RANBP2: variants seen among roughly 807,000 people sequenced by gnomAD.
RANBP2 encodes the protein E3 SUMO-protein ligase RanBP2.
A neutral mutation model predicts 303.6 loss-of-function variants in RANBP2; 57 were observed. The ratio of observed to expected loss-of-function variants is 0.19; its 90% CI spans 0.15 to 0.23. The LOEUF (loss-of-function observed/expected upper bound fraction) is 0.23, where lower values mean the gene tolerates loss of function less well. RANBP2 is among the 10% of genes least tolerant of loss of function. The probability of loss-of-function intolerance (pLI) is 1.00; values close to 1 mark genes in which losing one functional copy is unlikely to be tolerated. For synonymous variants in RANBP2, 1,167 were observed against 1,301.5 expected, an observed-to-expected ratio of 0.90 and a Z score of 2.23; for missense variants, 3,138 against 3,780.8, an observed-to-expected ratio of 0.83 and a Z score of 4.46.
At chr2:109,508,848 G>C in the RANBP2 span, among the ~76,000 whole-genome samples, 1 of 152,212 alleles carries the variant, frequency 6.6e-6, no homozygotes, top group East Asian at 1.9e-4. Context: ...CATCTGGAGA[G>C]GAAGGCAAGC....
chr2:108,846,371 G>A, the RANBP2 span, among the ~76,000 whole-genome samples: 1 of 151,970 alleles, frequency 6.6e-6, no homozygotes. Context: ...ACATATATTT[G>A]ATTTAATATT....
At chr2:109,306,754 G>C in the RANBP2 span, among the ~76,000 whole-genome samples, 1 of 152,246 alleles carries the variant, frequency 6.6e-6, no homozygotes, top group Non-Finnish European at 1.5e-5. Flanking sequence ...TCCACTAGGG[G>C]ATGGTGCAGG....
At chr2:109,318,727 C>T in the RANBP2 span, among the ~76,000 whole-genome samples, 8 of 152,102 alleles carry the variant, frequency 5.3e-5, no homozygotes, top group African/African-American at 1.2e-4. Flanking sequence ...CCTGGCCAGC[C>T]GCCAGATACT....
At chr2:109,416,909 A>T in the RANBP2 span, among the ~76,000 whole-genome samples, 1 of 151,108 alleles carries the variant, frequency 6.6e-6, no homozygotes, top group African/African-American at 2.4e-5. Flanking sequence ...CATCTCAAAA[A>T]AAAAAAAAAA....
At chr2:109,258,591 A>G in the RANBP2 span, among the ~76,000 whole-genome samples, 3 of 152,110 alleles carry the variant, frequency 2.0e-5, no homozygotes, top group African/African-American at 7.2e-5. Flanking sequence ...TCATCCCGCA[A>G]TTCCCCAGGC....
chr2:109,391,301 C>T, the RANBP2 span, among the ~76,000 whole-genome samples: 2 of 152,358 alleles, frequency 1.3e-5, no homozygotes, highest in African/African-American at 4.8e-5. Flanking sequence ...GACCTGTATG[C>T]TTCAGCCATT....
At chr2:109,187,716 T>A in the RANBP2 span, among the ~76,000 whole-genome samples, 1,224 of 152,294 alleles carry the variant, frequency 8.0e-3, 12 homozygotes, top group East Asian at 0.04. Flanking sequence ...CAGAATATAT[T>A]CTCCTTGTTA....
the RANBP2 span, among the ~76,000 whole-genome samples, chr2:109,319,854 G>C: frequency 1.3e-5 from 2 of 152,204 alleles, no homozygotes; most frequent in East Asian, 3.9e-4. Flanking sequence ...AGAGCCAGTA[G>C]GAGTATCAGC....
the RANBP2 span, among the ~76,000 whole-genome samples, chr2:108,819,545 C>A: frequency 6.6e-6 from 1 of 152,054 alleles, no homozygotes; most frequent in Non-Finnish European, 1.5e-5. Flanking sequence ...AGGGACACAG[C>A]GATTATGGGT....
At chr2:109,313,434 A>C in the RANBP2 span, 2 of 153,624 alleles carry the variant, frequency 1.3e-5, no homozygotes, top group Non-Finnish European at 2.9e-5. Context: ...CATGGATACA[A>C]GGCCAGGCCT....
At chr2:109,693,294 C>T in the RANBP2 span, among the ~76,000 whole-genome samples, 1 of 152,166 alleles carries the variant, frequency 6.6e-6, no homozygotes, top group South Asian at 2.1e-4. Context: ...GCCTCACCCT[C>T]CCGAGTAAGC....
the RANBP2 span, among the ~76,000 whole-genome samples, chr2:109,516,228 C>T: frequency 6.6e-6 from 1 of 152,156 alleles, no homozygotes; most frequent in African/African-American, 2.4e-5. Flanking sequence ...TGATGTGTGG[C>T]CCATGCTGGG....
the RANBP2 span, chr2:109,565,630 TA>T: frequency 1.3e-6 from 1 of 790,690 alleles, no homozygotes; most frequent in Non-Finnish European, 2.1e-6. Flanking sequence ...AGACTTTGGC[TA>T]AAATAGTACA....
chr2:109,365,561 G>A, the RANBP2 span, among the ~76,000 whole-genome samples: 2 of 152,034 alleles, frequency 1.3e-5, no homozygotes, highest in Admixed American at 6.6e-5. Flanking sequence ...AGCTTCTTAC[G>A]TTCTAGACTG....
chr2:109,442,310 C>CCA, the RANBP2 span, among the ~76,000 whole-genome samples: 1 of 75,918 alleles, frequency 1.3e-5, no homozygotes, highest in Admixed American at 1.6e-4. Context: ...GACTCCACCT[C>CCA]AAAAAAAAAA....
chr2:109,618,111 T>G, the RANBP2 span: 1 of 167,056 alleles, frequency 6.0e-6, no homozygotes. Flanking sequence ...ATGAACGGTG[T>G]AAATTTGAGA....
At chr2:109,263,187 T>G in the RANBP2 span, among the ~76,000 whole-genome samples, 1 of 152,184 alleles carries the variant, frequency 6.6e-6, no homozygotes, top group East Asian at 1.9e-4. Context: ...CAGAGACATG[T>G]GCATTCATAC....
At chr2:109,184,249 G>C in the RANBP2 span, among the ~76,000 whole-genome samples, 2 of 152,332 alleles carry the variant, frequency 1.3e-5, no homozygotes, top group East Asian at 3.9e-4. Context: ...TTCTTGGATA[G>C]GTGACTGGTC....
chr2:108,941,003 G>A, the RANBP2 span, among the ~76,000 whole-genome samples: 1 of 152,182 alleles, frequency 6.6e-6, no homozygotes, highest in African/African-American at 2.4e-5. Context: ...CATCTCTTGC[G>A]CCCTTGATCA....
Sources: gnomAD v4.1 joint callset for allele counts (sites outside exome capture counted in the v4.1 genomes callset) on GRCh38, gnomAD v4.1.1 for gene constraint, MANE v1.5 for transcripts, NCBI Gene and HGNC (gene_info 2026-07-23, HGNC 2026-07-21) for gene names.